Variants in RECQL5 observed in about 807,000 individuals in gnomAD.
RECQL5 encodes RecQ like helicase 5, also known as ATP-dependent DNA helicase Q5.
In RECQL5, 88 loss-of-function variants were observed where a neutral mutation model predicts 103.4. The ratio of observed to expected loss-of-function variants is 0.85; its 90% CI spans 0.72 to 1.02. The LOEUF is 1.02. Ranked by LOEUF, RECQL5 falls within the 50% of genes least tolerant of loss-of-function variation. RECQL5 has a pLI of 0.00. For synonymous variants in RECQL5, 552 were observed against 507.9 expected, an observed-to-expected ratio of 1.09 and a Z score of -1.17; for missense variants, 1,232 against 1,284.3, an observed-to-expected ratio of 0.96 and a Z score of 0.62.
At chr17:75,642,174 G>T (rs1348993428) in intron 8 of RECQL5, among the ~76,000 whole-genome samples, 1 of 152,192 alleles carries the variant, frequency 6.6e-6, no homozygotes, top group Non-Finnish European at 1.5e-5. Flanking sequence ...TTTCCAGGTA[G>T]AGCTACGAAC....
At position 75,630,274 on chromosome 17, in the gene RECQL5, A is replaced by G. The variant is rs2148227058; in HGVS notation, c.1722T>C (p.Ala574=). The G allele has an allele frequency of 6.4e-7, 1 of 1,555,866 alleles. No individual in the cohort carries two copies. The highest frequency in any genetic ancestry group is 1.7e-4 in the Middle Eastern group (1 of 5,980). The part of the protein sequence containing the change: ...NRQSTRTADE[A]DLRAKAVELE... ...GCTCCACGGCCTTGGCCCGGAGGTCAGCTCTGTGGGTGCAAGGTAACAGGC... is the reference window on the plus strand; with the variant it reads ...GCTCCACGGCCTTGGCCCGGAGGTCGGCTCTGTGGGTGCAAGGTAACAGGC... The change falls in exon 14 of 20, where the codon GCT becomes GCC. Residue 574 remains alanine, a synonymous_variant. Transcript: ENST00000317905.
chr17:75,664,979 G>C, intron 3 of RECQL5, 72 bp downstream of exon 3: 1 of 1,466,802 alleles, frequency 6.8e-7, no homozygotes, highest in Non-Finnish European at 9.0e-7. Flanking sequence ...CAATAGAGAA[G>C]TGAAATTTCC....
At chr17:75,661,766 G>C in intron 4 of RECQL5, 58 bp from the exon 5 acceptor site, 1 of 1,270,882 alleles carries the variant, frequency 7.9e-7, no homozygotes, top group Non-Finnish European at 1.1e-6. Context: ...AATAGGCCCA[G>C]TGTAATGCAC....
chr17:75,631,708 CCA>C (rs1443377431), intron 8 of RECQL5, 40 bp from the exon 9 acceptor site: 3 of 1,590,130 alleles, frequency 1.9e-6, no homozygotes, highest in Non-Finnish European at 1.7e-6. Flanking sequence ...GGCGGAGAGC[CCA>C]GTCGGCCAGC....
Position 75,627,345 on chromosome 17 carries a change from G to T in RECQL5, c.*77C>A. The T allele has an allele frequency of 9.3e-7, 1 of 1,074,904 alleles. No homozygotes were observed. Among genetic ancestry groups the T allele is most frequent in the Non-Finnish European group, 1.4e-6 (1 of 699,908 alleles). 66.6% of individuals were successfully genotyped at this position (1,074,904 alleles called of 1,614,324 possible). On this transcript the variant is annotated 3_prime_UTR_variant, in exon 20 of 20. Transcript: ENST00000317905. ...GGACTGAGAAAAGACGATGGCCCTG[G>T]CATCAGCAGGTGAGGCCCAGGATGA...
At chr17:75,651,954 T>C (rs768610415) in intron 7 of RECQL5, among the ~76,000 whole-genome samples, 30 of 152,122 alleles carry the variant, frequency 2.0e-4, no homozygotes, top group Middle Eastern at 6.8e-3. Flanking sequence ...GAATTTAAAA[T>C]ACAATTTAAA....
chr17:75,645,316 G>A (rs1035440560), intron 8 of RECQL5, among the ~76,000 whole-genome samples: 3 of 152,086 alleles, frequency 2.0e-5, no homozygotes, highest in South Asian at 4.1e-4. Flanking sequence ...TTCTCCACTC[G>A]CTCTGAGGTG....
rs1189927914 is a variant in RECQL5 at position 75,631,196 on chromosome 17, T to C, written c.1502A>G (p.Lys501Arg). Residue 501 changes from lysine (K) to arginine (R), a missense_variant, in exon 10 of 20, where the codon AAG becomes AGG. By Grantham distance (26) the Lys-to-Arg change is conservative (BLOSUM62 2). Transcript: ENST00000317905. ...SGDEGRDEAH[K>R]REWNLFYQKQ... is the part of the protein sequence containing the mutation. ...CTGATAGAAGAGGTTCCACTCCCGC[T>C]TGTGGGCCTCATCTCTGCCTTCATC... 1 of 1,613,962 alleles carries C rather than the reference T, an allele frequency of 6.2e-7. No individual in the cohort carries two copies.
Position 75,636,390 on chromosome 17 carries a change from G to T in RECQL5, c.1230-4722C>A, listed in dbSNP as rs2059322154. On this transcript the variant is annotated intron_variant, in intron 8 of 19. Transcript: ENST00000317905. The surrounding 1 kb of genome is among the most constrained non-coding windows in gnomAD (Gnocchi z 5.4). ...TGAGATAGAAAGACGGGAAAAATAT[G>T]GGATCATCAGTAGCCCTCCTGGGCT... Among the ~76,000 whole-genome samples the T allele has an allele frequency of 6.6e-6, 1 of 152,174 alleles. No individual in the cohort carries two copies. The highest frequency in any genetic ancestry group is 1.5e-5 in the Non-Finnish European group (1 of 68,026).
Position 75,629,439 on chromosome 17 carries a change from C to T in RECQL5, c.1984G>A (p.Gly662Ser). The part of the protein sequence containing the change: ...PKRVGAGFPK[G>S]SCPFQTATEL... ...GTGGCCGTCTGGAACGGGCAGGAGC[C>T]TTTGGGGAAACCAGCTCCCACCCGC... The change falls in exon 16 of 20, where the codon GGC becomes AGC. Residue 662 changes from glycine to serine, a missense_variant. Coordinates refer to ENST00000317905, the MANE Select transcript of RECQL5 (RefSeq NM_004259.7). 3 of 1,504,830 alleles carry T rather than the reference C, an allele frequency of 2.0e-6. No individual in the cohort carries two copies. The highest frequency in any genetic ancestry group is 2.7e-6 in the Non-Finnish European group (3 of 1,127,556). 93.2% of individuals were successfully genotyped at this position (1,504,830 alleles called of 1,614,324 possible). A position where few individuals can be genotyped will look rare whatever the true frequency, so the allele number is the denominator to read the frequency against.
intron 3 of RECQL5, among the ~76,000 whole-genome samples, chr17:75,664,142 T>G (rs1489655230): frequency 1.3e-5 from 2 of 151,914 alleles, no homozygotes; most frequent in East Asian, 3.9e-4. Context: ...ATTCACCAAG[T>G]TATTACTGTA....
At chr17:75,633,162 G>A (rs975481559) in intron 8 of RECQL5, among the ~76,000 whole-genome samples, 4 of 152,352 alleles carry the variant, frequency 2.6e-5, no homozygotes, top group African/African-American at 4.8e-5. Context: ...CCAGGAGTCC[G>A]TGCGCCCGCA....
chr17:75,630,120 G>T, intron 14 of RECQL5, 64 bp downstream of exon 14: 1 of 1,354,880 alleles, frequency 7.4e-7, no homozygotes, highest in Non-Finnish European at 1.0e-6. Context: ...CTGGCAGACA[G>T]CTTCTGCGTC....
chr17:75,651,340 G>T, intron 7 of RECQL5, 75 bp from the exon 8 acceptor site: 2 of 1,548,924 alleles, frequency 1.3e-6, no homozygotes, highest in Non-Finnish European at 1.8e-6. Flanking sequence ...GTAATGAGGA[G>T]GCCGAGTGCG....
rs2148201974 is a variant in RECQL5, at chr17:75,626,901, C to T, written c.*521G>A. On this transcript the variant is annotated 3_prime_UTR_variant, in exon 20 of 20. Transcript: ENST00000317905. ...ACAACAACACAACTTTATTCCTCTC[C>T]CAAACATCTGTCAGGCCTGGCCTTC... is the stretch of plus-strand genomic sequence containing the variant. 5.6e-6 allele frequency: 2 copies of T among 358,900 alleles called. No individual in the cohort carries two copies. Among genetic ancestry groups the T allele is most frequent in the South Asian group, 2.3e-5 (1 of 43,330 alleles). 22.2% of individuals were successfully genotyped at this position (358,900 alleles called of 1,614,324 possible). A position where few individuals can be genotyped will look rare whatever the true frequency, so the allele number is the denominator to read the frequency against.
In RECQL5 at chr17:75,658,292, C is replaced by T. The variant is rs2059653943; in HGVS notation, c.1149+6G>A. On this transcript the variant is annotated splice_donor_region_variant and intron_variant, in intron 7 of 19. Coordinates refer to ENST00000317905, the MANE Select transcript of RECQL5 (RefSeq NM_004259.7). Reference sequence around the variant, plus strand: ...ACTGAAAGACCTTCTACTGCCCAAGCCTTACCTGGAGTTTTGCTACTTCCT... The same window carrying T: ...ACTGAAAGACCTTCTACTGCCCAAGTCTTACCTGGAGTTTTGCTACTTCCT... 2 of 1,612,822 alleles carry T rather than the reference C, an allele frequency of 1.2e-6. No homozygotes were observed. The highest frequency in any genetic ancestry group is 8.5e-7 in the Non-Finnish European group (1 of 1,179,266).
rs1285083229 is a variant in RECQL5 at position 75,636,290 on chromosome 17, A to G, written c.1230-4622T>C. Among the ~76,000 whole-genome samples, 2 of 151,932 alleles carry G rather than the reference A, an allele frequency of 1.3e-5. No individual in the cohort carries two copies. Among genetic ancestry groups the G allele is most frequent in the African/African-American group, 4.8e-5 (2 of 41,328 alleles). ...CCTGGTTCGCAGGTGGGCACTACCAAGCGTGGGGTTGGGAGGGACTGGTTG... is the reference window on the plus strand; with the variant it reads ...CCTGGTTCGCAGGTGGGCACTACCAGGCGTGGGGTTGGGAGGGACTGGTTG... On this transcript the variant is annotated intron_variant, in intron 8 of 19. Coordinates refer to ENST00000317905, the MANE Select transcript of RECQL5 (RefSeq NM_004259.7). This position sits in a 1 kb window ranked among gnomAD's most constrained non-coding sequence, Gnocchi z 5.4.
At chr17:75,649,816 C>A (rs576222009) in intron 8 of RECQL5, 1 of 985,498 alleles carries the variant, frequency 1.0e-6, no homozygotes, top group African/African-American at 1.7e-5. Context: ...AGCGCAACAC[C>A]GTCACCTGGA....
chr17:75,649,935 C>T lies in RECQL5; in HGVS notation c.1229+1251G>A, dbSNP rs912137076. The stretch of plus-strand genomic sequence containing the variant: ...TGACAGGAGAAATGAAGGCAGAGGC[C>T]CTTGGGAGGACCTGTTCCCTTGCCT... On this transcript the variant is annotated intron_variant, in intron 8 of 19. Transcript: ENST00000317905. The T allele has an allele frequency of 9.1e-6, 9 of 985,444 alleles. No homozygotes were observed. The Admixed American group carries it at 2.5e-4, about 27-fold the overall frequency. 61.0% of individuals were successfully genotyped at this position (985,444 alleles called of 1,614,324 possible).
Sources: allele counts gnomAD v4.1 joint callset (sites outside exome capture counted in the v4.1 genomes callset), GRCh38; gene constraint gnomAD v4.1.1; non-coding constraint Gnocchi (gnomAD v3.1); transcripts MANE v1.5; gene names NCBI Gene and HGNC (gene_info 2026-07-23, HGNC 2026-07-21).